The following TENM4 variants were observed in gnomAD, a reference collection of about 807,000 sequenced individuals.
TENM4 encodes the protein teneurin transmembrane protein 4.
TENM4 carries 82 observed loss-of-function variants against 243.3 expected under a neutral mutation model. That is an observed-to-expected ratio of 0.34 (90% CI 0.28 to 0.40). The LOEUF (loss-of-function observed/expected upper bound fraction) is 0.40. Among genes scored for constraint, TENM4 ranks in the 10% least tolerant of loss-of-function variants. The pLI is 1.00. For synonymous variants in TENM4, 1,412 were observed against 1,456.3 expected (o/e 0.97, Z 0.69); for missense variants, 3,138 against 3,673.3 (o/e 0.85, Z 3.77).
At chr11:79,034,144 G>A (rs1314968759) in intron 6 of TENM4, among the ~76,000 whole-genome samples, 1 of 152,186 alleles carries the variant, frequency 6.6e-6, no homozygotes, top group African/African-American at 2.4e-5. Context: ...AAACTGCAGA[G>A]CGACATACAA....
At chr11:78,724,257 T>A (rs1565350078) in intron 23 of TENM4, among the ~76,000 whole-genome samples, 1 of 152,092 alleles carries the variant, frequency 6.6e-6, no homozygotes, top group Non-Finnish European at 1.5e-5. Flanking sequence ...GCTAATTTTT[T>A]AAAAACAATT....
chr11:79,265,494 G>T (rs1281238605), intron 2 of TENM4, among the ~76,000 whole-genome samples: 3 of 152,132 alleles, frequency 2.0e-5, no homozygotes, highest in African/African-American at 7.2e-5. Flanking sequence ...ATGTCGAAAT[G>T]ATATTTTGAA....
intron 4 of TENM4, among the ~76,000 whole-genome samples, chr11:79,102,605 G>T (rs1194364243): frequency 6.6e-6 from 1 of 152,186 alleles, no homozygotes; most frequent in Non-Finnish European, 1.5e-5. Context: ...GAAGCCCTTG[G>T]CATGGTGCCT....
intron 6 of TENM4, among the ~76,000 whole-genome samples, chr11:78,919,050 G>T (rs934136213): frequency 6.6e-6 from 1 of 152,088 alleles, no homozygotes; most frequent in Non-Finnish European, 1.5e-5. Context: ...TTTCCTATAT[G>T]AATTTTTGTA....
intron 7 of TENM4, among the ~76,000 whole-genome samples, chr11:78,901,786 C>T (rs1322927049): frequency 4.6e-5 from 7 of 152,182 alleles, no homozygotes. Flanking sequence ...AGGGAAAAAT[C>T]ACACACGATT....
At chr11:78,697,477 A>G (rs1006822470) in intron 28 of TENM4, among the ~76,000 whole-genome samples, 15 of 152,204 alleles carry the variant, frequency 9.9e-5, no homozygotes, top group African/African-American at 3.4e-4. Flanking sequence ...ACCAGAGGCC[A>G]AATCTCTTCA....
chr11:78,897,932 A>C (rs774959880), intron 7 of TENM4, among the ~76,000 whole-genome samples: 2 of 152,200 alleles, frequency 1.3e-5, no homozygotes, highest in African/African-American at 2.4e-5. Context: ...GCTTGAGATG[A>C]GATGAGCTGG....
At chr11:79,239,974 A>G (rs1864557121) in intron 2 of TENM4, among the ~76,000 whole-genome samples, 1 of 152,206 alleles carries the variant, frequency 6.6e-6, no homozygotes, top group Non-Finnish European at 1.5e-5. Flanking sequence ...GACATATGTG[A>G]CATTATACTG....
At position 78,688,139 on chromosome 11, in the gene TENM4, A is replaced by C; in HGVS notation, c.5175T>G (p.His1725Gln). The change falls in exon 29 of 34, where the codon CAT becomes CAG. Residue 1725 changes from histidine to glutamine, a missense_variant. Physicochemically the swap from His to Gln is conservative, Grantham distance 24. Around this residue, in one of 2 missense-constraint regions of TENM4, gnomAD observed 2,467 missense variants for 3,059.1 expected, o/e 0.81. Coordinates refer to ENST00000278550, the MANE Select transcript of TENM4 (RefSeq NM_001098816.3). The part of the protein sequence containing the change: ...SFRSDTDSSV[H>Q]VQVETSSKDD... The stretch of plus-strand genomic sequence containing the variant: ...CCTTGCTGGAGGTCTCTACCTGGAC[A>C]TGCACTGAACTGTCTGTATCACTTC... 1 of 1,613,988 alleles carries C rather than the reference A, an allele frequency of 6.2e-7. No individual in the cohort carries two copies. Among genetic ancestry groups the C allele is most frequent in the East Asian group, 2.2e-5 (1 of 44,878 alleles).
chr11:79,254,688 CTA>C (rs1359648997), intron 2 of TENM4, among the ~76,000 whole-genome samples: 4 of 152,164 alleles, frequency 2.6e-5, no homozygotes, highest in Non-Finnish European at 5.9e-5. Flanking sequence ...CTGCAACTGA[CTA>C]TAATATTGTG....
intron 1 of TENM4, among the ~76,000 whole-genome samples, chr11:79,315,504 G>A (rs1211174561): frequency 6.6e-6 from 1 of 152,214 alleles, no homozygotes; most frequent in Non-Finnish European, 1.5e-5. Context: ...AGGGGAGCAG[G>A]CACAGGTTTG....
intron 3 of TENM4, among the ~76,000 whole-genome samples, chr11:79,177,416 T>C (rs984630434): frequency 1.3e-5 from 2 of 152,160 alleles, no homozygotes; most frequent in Admixed American, 1.3e-4. Flanking sequence ...TTCCCTTTCC[T>C]CTTCTTTTCT....
chr11:78,975,306 T>C (rs1211724429), intron 6 of TENM4, among the ~76,000 whole-genome samples: 1 of 151,938 alleles, frequency 6.6e-6, no homozygotes, highest in Non-Finnish European at 1.5e-5. Flanking sequence ...AGATGGTTCA[T>C]TCACACCTCT....
chr11:79,151,862 T>C (rs1187822751), intron 3 of TENM4, among the ~76,000 whole-genome samples: 1 of 152,170 alleles, frequency 6.6e-6, no homozygotes, highest in East Asian at 1.9e-4. Flanking sequence ...TTGCATGCTT[T>C]ATCTCCACCT....
At chr11:79,040,379 C>G (rs1859489975) in intron 6 of TENM4, among the ~76,000 whole-genome samples, 1 of 151,268 alleles carries the variant, frequency 6.6e-6, no homozygotes, top group Non-Finnish European at 1.5e-5. Context: ...CTTTGTCCAG[C>G]CTCCAGGAGC....
At position 78,947,397 on chromosome 11, in the gene TENM4, G is replaced by A. The variant is rs370553360; in HGVS notation, c.494-43874C>T. On this transcript the variant is annotated intron_variant, in intron 6 of 33. Coordinates refer to ENST00000278550, the MANE Select transcript of TENM4 (RefSeq NM_001098816.3). Reference sequence around the variant, plus strand: ...ATGCAGCAGCTTCTGTGTGTGACTGGATTGTGGTCTAGGCTTGAGGTAGGG... The same window carrying A: ...ATGCAGCAGCTTCTGTGTGTGACTGAATTGTGGTCTAGGCTTGAGGTAGGG... Among the ~76,000 whole-genome samples, 25 of 152,338 alleles carry A rather than the reference G, an allele frequency of 1.6e-4. No homozygotes were observed. The South Asian group carries it at 4.4e-3, about 27-fold the overall frequency.
At chr11:79,022,696 T>G (rs1435634669) in intron 6 of TENM4, among the ~76,000 whole-genome samples, 1 of 152,156 alleles carries the variant, frequency 6.6e-6, no homozygotes, top group Non-Finnish European at 1.5e-5. Context: ...GGACAAAAAT[T>G]AACTTTGTAA....
At chr11:79,200,587 C>T (rs1437008693) in intron 3 of TENM4, among the ~76,000 whole-genome samples, 2 of 152,186 alleles carry the variant, frequency 1.3e-5, no homozygotes, top group Non-Finnish European at 2.9e-5. Flanking sequence ...GGCCTGGTGC[C>T]CTTAAGGGAC....
Position 78,726,129 on chromosome 11 carries a change from T to C in TENM4, c.3500A>G (p.Lys1167Arg), listed in dbSNP as rs1855505410. The change falls in exon 23 of 34, where the codon AAG becomes AGG. Residue 1167 changes from lysine (K) to arginine (R), a missense_variant. Physicochemically the swap from Lys to Arg is conservative, Grantham distance 26. Transcript: ENST00000278550. ...TTTGTCTAGGCTCCATCCTCCAAGC[T>C]TGGACGCGTCAATTTCATAGCCCTG... is the stretch of plus-strand genomic sequence containing the variant. ...VLQGYEIDAS[K>R]LGGWSLDKHH... The C allele has an allele frequency of 6.2e-7, 1 of 1,614,046 alleles. No homozygotes were observed.
Sources: gnomAD v4.1 joint callset for allele counts (sites outside exome capture counted in the v4.1 genomes callset) on GRCh38, gnomAD v4.1.1 for gene constraint, gnomAD v4.1.1 regional missense constraint, MANE v1.5 for transcripts, NCBI Gene and HGNC (gene_info 2026-07-23, HGNC 2026-07-21) for gene names.